UTP20: variants seen among roughly 807,000 people sequenced by gnomAD.
The protein encoded by UTP20 is small subunit processome component 20 homolog.
UTP20 carries 164 observed loss-of-function variants against 329.5 expected under a neutral mutation model. That is an observed-to-expected ratio of 0.50 (90% confidence interval 0.44 to 0.57). The LOEUF (loss-of-function observed/expected upper bound fraction) is 0.57. Ranked by LOEUF, UTP20 falls within the 20% of genes least tolerant of loss-of-function variation. The pLI is 0.00. For synonymous variants in UTP20, 1,151 were observed against 1,159.3 expected (o/e 0.99, Z 0.14); for missense variants, 3,055 against 3,284.2 (o/e 0.93, Z 1.71).
intron 18 of UTP20, among the ~76,000 whole-genome samples, chr12:101,308,577 C>T (rs925970207): frequency 1.3e-5 from 2 of 151,984 alleles, no homozygotes; most frequent in African/African-American, 4.8e-5. Context: ...TGTACCTGGC[C>T]ATGTTAGTAC....
chr12:101,327,240 C>T lies in UTP20; in HGVS notation c.3201C>T (p.Phe1067=), dbSNP rs777919764. Residue 1067 remains phenylalanine (F), a synonymous_variant, in exon 26 of 62, where the codon TTC becomes TTT. Transcript: ENST00000261637. ...LDLLFEPVRH[F]KNGECHSAVI... ...TGCTGTTTGAACCTGTGAGGCATTT[C>T]AAGAATGGTAACTATCAGCTACCTC... 66 of 1,590,870 alleles carry T rather than the reference C, an allele frequency of 4.1e-5. No homozygotes were observed. Among genetic ancestry groups the T allele is most frequent in the Non-Finnish European group, 5.0e-5 (58 of 1,162,080 alleles).
intron 61 of UTP20, 110 bp downstream of exon 61, chr12:101,385,838 G>A: frequency 6.7e-7 from 1 of 1,495,956 alleles, no homozygotes; most frequent in Non-Finnish European, 8.9e-7. Context: ...TGAGCGGTTG[G>A]GGACTTTATA....
At position 101,357,047 on chromosome 12, in the gene UTP20, A is replaced by G; in HGVS notation, c.5656A>G (p.Lys1886Glu). The part of the protein sequence containing the change: ...LGVHFLLYVL[K>E]ELQTTLVRGY... ...TGTGCACTTCCTCCTATATGTTTTAAAAGAATTACAGACTACTCTTGTCCG... is the reference window on the plus strand; with the variant it reads ...TGTGCACTTCCTCCTATATGTTTTAGAAGAATTACAGACTACTCTTGTCCG... Residue 1886 changes from lysine to glutamate, a missense_variant, in exon 43 of 62, where the codon AAA becomes GAA. By Grantham distance (56) the Lys-to-Glu change is moderately conservative. Coordinates refer to ENST00000261637, the MANE Select transcript of UTP20 (RefSeq NM_014503.3). The G allele has an allele frequency of 2.5e-6, 4 of 1,613,624 alleles. No individual in the cohort carries two copies. Among genetic ancestry groups the G allele is most frequent in the African/African-American group, 1.3e-5 (1 of 75,028 alleles).
In UTP20 at chr12:101,292,174, A is replaced by G. The variant is rs147619526; in HGVS notation, c.1173+70A>G. The G allele has an allele frequency of 5.1e-5, 77 of 1,514,754 alleles. No homozygotes were observed. The East Asian group carries it at 1.8e-3, about 35-fold the overall frequency. The allele number at this position is 1,514,754 out of a possible 1,614,324, so 93.8% of individuals were successfully genotyped here. A position where few individuals can be genotyped will look rare whatever the true frequency, so the allele number is the denominator to read the frequency against. ...TTAGCATTGAGTAACCTTCTGAGGAATACAAGTGAAGTGTGACAAAGGCTC... is the reference window on the plus strand; with the variant it reads ...TTAGCATTGAGTAACCTTCTGAGGAGTACAAGTGAAGTGTGACAAAGGCTC... On this transcript the variant is annotated intron_variant, in intron 10 of 61. Coordinates refer to ENST00000261637, the MANE Select transcript of UTP20 (RefSeq NM_014503.3).
chr12:101,286,299 G>A (rs763968387), intron 4 of UTP20, 22 bp from the exon 5 acceptor site: 31 of 1,545,868 alleles, frequency 2.0e-5, no homozygotes, highest in Non-Finnish European at 2.4e-5. Flanking sequence ...CACATGATCA[G>A]TTGCTTCTTT....
rs756143997 is a variant in UTP20, at chr12:101,354,883, G to C, written c.5159G>C (p.Arg1720Pro). Residue 1720 changes from arginine to proline, a missense_variant, in exon 41 of 62, where the codon CGT (arginine) becomes CCT (proline). By Grantham distance (103) the Arg-to-Pro change is moderately radical. Around this residue, in one of 3 missense-constraint regions of UTP20, gnomAD observed 2,445 missense variants for 2,575.5 expected, o/e 0.95. Coordinates refer to ENST00000261637, the MANE Select transcript of UTP20 (RefSeq NM_014503.3). ...LPEPEAMELERVDEEEKEYTC... is the reference protein window; with the variant it reads ...LPEPEAMELEPVDEEEKEYTC... ...GAGCCTGAGGCCATGGAATTAGAGC[G>C]TGTGGATGAGGAAGAGAAGGAATAT... 1.2e-6 allele frequency: 2 copies of C among 1,614,074 alleles called. No individual in the cohort carries two copies. Among genetic ancestry groups the C allele is most frequent in the Non-Finnish European group, 1.7e-6 (2 of 1,180,040 alleles).
At chr12:101,381,110 T>G (rs1429250887) in intron 57 of UTP20, 30 bp from the exon 58 acceptor site, 2 of 1,554,276 alleles carry the variant, frequency 1.3e-6, no homozygotes, top group East Asian at 4.5e-5. Context: ...TCCTGTGTTT[T>G]GTCTACCAAT....
In UTP20 at chr12:101,320,914, A is replaced by G. The variant is rs368586753; in HGVS notation, c.2892A>G (p.Lys964=). 3.1e-6 allele frequency: 5 copies of G among 1,610,774 alleles called. No homozygotes were observed. The African/African-American group carries it at 5.3e-5, about 17-fold the overall frequency. ...KITLDCIMTY[K]HPHVLPYREN... ...CCTTGGATTGCATAATGACATATAAACATCCTCATGTCCTCCCTTACAGGT... is the reference window on the plus strand; with the variant it reads ...CCTTGGATTGCATAATGACATATAAGCATCCTCATGTCCTCCCTTACAGGT... Residue 964 remains lysine (K), a synonymous_variant, in exon 24 of 62, where the codon AAA becomes AAG. Transcript: ENST00000261637.
chr12:101,306,217 A>G (rs532985268), intron 16 of UTP20, 152 bp downstream of exon 16: 116 of 996,364 alleles, frequency 1.2e-4, no homozygotes, highest in African/African-American at 1.5e-4. Context: ...CTGCAAACCA[A>G]TTGCAGTAGG....
intron 48 of UTP20, among the ~76,000 whole-genome samples, 185 bp from the exon 49 acceptor site, chr12:101,369,536 C>T (rs1870211334): frequency 6.6e-6 from 1 of 152,210 alleles, no homozygotes; most frequent in East Asian, 1.9e-4. Context: ...ATAAATTCTT[C>T]TACAACCAGG....
chr12:101,380,655 G>A (rs1475007298), intron 57 of UTP20, among the ~76,000 whole-genome samples: 1 of 152,028 alleles, frequency 6.6e-6, no homozygotes, highest in Non-Finnish European at 1.5e-5. Context: ...CTGAGGTCAG[G>A]AGTTCGAGAC....
chr12:101,287,125 A>G (rs901541443), intron 5 of UTP20, among the ~76,000 whole-genome samples: 8 of 152,172 alleles, frequency 5.3e-5, no homozygotes, highest in South Asian at 2.1e-4. Flanking sequence ...TTCATGTTCT[A>G]TAATTGCCAC....
At chr12:101,294,044 T>C (rs947409517) in intron 11 of UTP20, among the ~76,000 whole-genome samples, 2 of 151,222 alleles carry the variant, frequency 1.3e-5, no homozygotes, top group East Asian at 1.9e-4. Context: ...TTCTTTCTTC[T>C]TTTTTTTTAG....
At chr12:101,308,161 C>T in intron 17 of UTP20, 24 bp from the exon 18 acceptor site, 3 of 1,546,568 alleles carry the variant, frequency 1.9e-6, no homozygotes, top group Non-Finnish European at 2.6e-6. Flanking sequence ...CTGGTCTTCT[C>T]CATGGTTTTC....
intron 15 of UTP20, among the ~76,000 whole-genome samples, chr12:101,303,901 A>T (rs1261909385): frequency 6.6e-6 from 1 of 152,230 alleles, no homozygotes; most frequent in Non-Finnish European, 1.5e-5. Context: ...AGAGAGGATT[A>T]GTTCTTTGAC....
chr12:101,329,504 AT>A, intron 27 of UTP20, 55 bp downstream of exon 27: 8 of 1,544,610 alleles, frequency 5.2e-6, no homozygotes, highest in Non-Finnish European at 7.1e-6. Context: ...TATTTCTTGG[AT>A]TTTAATTCCA....
chr12:101,311,643 CTTT>C (rs555196517), intron 19 of UTP20, 73 bp from the exon 20 acceptor site: 9 of 1,019,484 alleles, frequency 8.8e-6, no homozygotes, highest in Admixed American at 2.8e-5. Flanking sequence ...TCCTTTCACT[CTTT>C]TTTTTTTTTC....
chr12:101,306,820 G>A, intron 17 of UTP20, 59 bp downstream of exon 17: 1 of 1,456,138 alleles, frequency 6.9e-7, no homozygotes, highest in African/African-American at 1.4e-5. Flanking sequence ...ATATTATTGT[G>A]GTTTCCAAAA....
At chr12:101,353,476 G>A (rs1869608151) in intron 40 of UTP20, among the ~76,000 whole-genome samples, 1 of 151,954 alleles carries the variant, frequency 6.6e-6, no homozygotes, top group African/African-American at 2.4e-5. Flanking sequence ...AGCAGCAATT[G>A]GTGAAAAATA....
Sources: allele counts gnomAD v4.1 joint callset (sites outside exome capture counted in the v4.1 genomes callset), GRCh38; gene constraint gnomAD v4.1.1; regional missense constraint gnomAD v4.1.1; transcripts MANE v1.5; gene names NCBI Gene and HGNC (gene_info 2026-07-23, HGNC 2026-07-21).